The following KIR2DL1 variants were observed in gnomAD, a reference collection of about 807,000 sequenced individuals.
KIR2DL1 encodes killer cell immunoglobulin-like receptor 2DL1.
Under a neutral mutation model 33.9 loss-of-function variants are expected in KIR2DL1, and 38 were observed. The observed-to-expected ratio is 1.12, with a 90% CI of 0.86 to 1.47. KIR2DL1 has a LOEUF of 1.47. Ranked by LOEUF, KIR2DL1 falls within the 40% of genes most tolerant of loss-of-function variation. The pLI is 0.00. For missense variants in KIR2DL1, 531 were observed against 433.9 expected (o/e 1.22, Z -1.99); for synonymous variants, 179 against 165.9 (o/e 1.08, Z -0.61).
In KIR2DL1 at chr19:54,772,774, C is replaced by T. The variant is rs1031637723; in HGVS notation, c.71-559C>T. Among the ~76,000 whole-genome samples the T allele has an allele frequency of 1.4e-3, 154 of 110,070 alleles. 5 individuals are homozygous for T. Among genetic ancestry groups the T allele is most frequent in the African/African-American group, 5.1e-3 (150 of 29,420 alleles). 72.2% of individuals were successfully genotyped at this position (110,070 alleles called of 152,430 possible). On this transcript the variant is annotated intron_variant, in intron 2 of 7. Coordinates refer to ENST00000336077, the MANE Select transcript of KIR2DL1 (RefSeq NM_014218.3). The stretch of plus-strand genomic sequence containing the variant: ...TGGCTACACTGAGATCAGCAAGGCT[C>T]AGATGATGATGCCACCACCAGGCTC...
chr19:54,779,270 G>A (rs2076702946), intron 5 of KIR2DL1, among the ~76,000 whole-genome samples: 1 of 148,660 alleles, frequency 6.7e-6, no homozygotes, highest in Admixed American at 6.8e-5. Context: ...TTATCTTACA[G>A]TGCTGTAGCT....
rs2076619095 is a variant in KIR2DL1 at position 54,778,624 on chromosome 19, A to G, written c.677A>G (p.Asn226Ser). The change falls in exon 5 of 8, where the codon AAT becomes AGT. Residue 226 changes from asparagine to serine, a missense_variant. Transcript: ENST00000336077. ...TCTCATGTTCTAGGAAACCCTTCAA[A>G]TAGTTGGCCTTCACCCACTGAACCA... ...LLVSVTGNPS[N>S]SWPSPTEPSS... 1 of 1,570,596 alleles carries G rather than the reference A, an allele frequency of 6.4e-7. No individual in the cohort carries two copies. Among genetic ancestry groups the G allele is most frequent in the Non-Finnish European group, 8.7e-7 (1 of 1,147,200 alleles).
Position 54,778,873 on chromosome 19 carries a change from C to G in KIR2DL1, c.715+211C>G, listed in dbSNP as rs77117416. Among the ~76,000 whole-genome samples, 3 of 128,134 alleles carry G rather than the reference C, an allele frequency of 2.3e-5. 1 individual carries two copies. Among genetic ancestry groups the G allele is most frequent in the Non-Finnish European group, 5.3e-5 (3 of 56,928 alleles). The allele number at this position is 128,134 out of a possible 152,430, so 84.1% of individuals were successfully genotyped here. On this transcript the variant is annotated intron_variant, in intron 5 of 7. Coordinates refer to ENST00000336077, the MANE Select transcript of KIR2DL1 (RefSeq NM_014218.3). ...ATCTCTCATTTTATGGAGCTGAGAC[C>G]TCCTACAAGCTAGAAGAATGATTGC... is the stretch of plus-strand genomic sequence containing the variant.
At chr19:54,771,353 T>C (rs1444080417) in intron 2 of KIR2DL1, among the ~76,000 whole-genome samples, 5 of 148,402 alleles carry the variant, frequency 3.4e-5, no homozygotes, top group Admixed American at 6.8e-5. Flanking sequence ...GTCTACCCTG[T>C]GTTGTTTTAT....
chr19:54,782,410 T>A (rs1170603997), intron 5 of KIR2DL1, among the ~76,000 whole-genome samples: 1 of 152,046 alleles, frequency 6.6e-6, no homozygotes, highest in African/African-American at 2.4e-5. Context: ...CTATTTCTCG[T>A]GACGGCCTCA....
intron 5 of KIR2DL1, among the ~76,000 whole-genome samples, chr19:54,782,653 G>T (rs2077130043): frequency 6.6e-6 from 1 of 151,972 alleles, no homozygotes; most frequent in South Asian, 2.1e-4. Context: ...CCTCTCAAGA[G>T]GCCCAACCTC....
rs764979220 is a variant in KIR2DL1 at position 54,773,607 on chromosome 19, T to C, written c.345T>C (p.Ser115=). 3.2e-6 allele frequency: 5 copies of C among 1,577,180 alleles called. No individual in the cohort carries two copies. The African/African-American group carries it at 6.8e-5, about 21-fold the overall frequency. ...THSPYQVSAP[S]DPLDIVIIGL... is the part of the protein sequence containing the mutation. ...CCCCCTATCAGGTGTCAGCTCCCAG[T>C]GACCCTCTGGACATCGTGATCATAG... The change falls in exon 3 of 8, where the codon AGT becomes AGC. Residue 115 remains serine, a synonymous_variant. Transcript: ENST00000336077.
In KIR2DL1 at chr19:54,772,815, G is replaced by A. The variant is rs34408592; in HGVS notation, c.71-518G>A. On this transcript the variant is annotated intron_variant, in intron 2 of 7. Transcript: ENST00000336077. ...CACCAGGCTCCATCCACATAGGGAGGGGTTGATACTCCTCCAACCAGCACC... is the reference window on the plus strand; with the variant it reads ...CACCAGGCTCCATCCACATAGGGAGAGGTTGATACTCCTCCAACCAGCACC... Among the ~76,000 whole-genome samples the A allele has an allele frequency of 5.7e-5, 8 of 141,462 alleles. 1 individual carries two copies. Among genetic ancestry groups the A allele is most frequent in the Non-Finnish European group, 1.3e-4 (8 of 63,874 alleles). The allele number at this position is 141,462 out of a possible 152,430, so 92.8% of individuals were successfully genotyped here.
At position 54,783,848 on chromosome 19, in the gene KIR2DL1, G is replaced by T; in HGVS notation, c.*35G>T. 8 of 1,613,778 alleles carry T rather than the reference G, an allele frequency of 5.0e-6. No individual in the cohort carries two copies. The highest frequency in any genetic ancestry group is 6.8e-6 in the Non-Finnish European group (8 of 1,179,844). ...TCAGGCCTTGAGGGCGTCTTCTAGG[G>T]AGACAACAGCCCTGTCTCAAAACCG... On this transcript the variant is annotated 3_prime_UTR_variant, in exon 8 of 8. Transcript: ENST00000336077.
Position 54,770,902 on chromosome 19 carries a change from C to G in KIR2DL1, c.70+18C>G. 2.5e-6 allele frequency: 4 copies of G among 1,581,136 alleles called. No homozygotes were observed. The highest frequency in any genetic ancestry group is 3.5e-6 in the Non-Finnish European group (4 of 1,154,312). ...ACATGAGGGTGAGTCCTTCTCCCAA[C>G]CTTCGGGTGTCATCTCCCCACATAA... On this transcript the variant is annotated intron_variant, in intron 2 of 7. Coordinates refer to ENST00000336077, the MANE Select transcript of KIR2DL1 (RefSeq NM_014218.3).
intron 2 of KIR2DL1, among the ~76,000 whole-genome samples, chr19:54,771,789 C>G (rs2075756880): frequency 6.8e-6 from 1 of 148,072 alleles, no homozygotes; most frequent in African/African-American, 2.5e-5. Flanking sequence ...TTCATGGGCC[C>G]TGTGACCCCA....
intron 3 of KIR2DL1, 79 bp downstream of exon 3, chr19:54,773,711 G>C (rs1413829417): frequency 1.4e-6 from 2 of 1,396,786 alleles, no homozygotes; most frequent in Non-Finnish European, 2.0e-6. Flanking sequence ...CCAGGTGGCT[G>C]TAAGGAAGAT....
At chr19:54,781,777 T>A (rs2076984232) in intron 5 of KIR2DL1, among the ~76,000 whole-genome samples, 1 of 152,128 alleles carries the variant, frequency 6.6e-6, no homozygotes. Flanking sequence ...TCTATTTCGC[T>A]TTTTTTATCT....
intron 1 of KIR2DL1, among the ~76,000 whole-genome samples, chr19:54,770,214 AG>A (rs1234621190): frequency 2.5e-5 from 3 of 118,236 alleles, no homozygotes; most frequent in African/African-American, 6.5e-5. Flanking sequence ...ATGGGCCTGG[AG>A]GTGGAGTTAT....
Position 54,782,965 on chromosome 19 carries a change from C to T in KIR2DL1, c.759C>T (p.Val253=), listed in dbSNP as rs773803344. The change falls in exon 6 of 8, where the codon GTC becomes GTT. Residue 253 remains valine (V), a synonymous_variant. Transcript: ENST00000336077. ...ACATTCTGATTGGGACCTCAGTGGT[C>T]ATCATCCTCTTCATCCTCCTCTTCT... ...HLHILIGTSV[V]IILFILLFFL... 4 of 1,613,658 alleles carry T rather than the reference C, an allele frequency of 2.5e-6. No individual in the cohort carries two copies. Among genetic ancestry groups the T allele is most frequent in the Admixed American group, 1.7e-5 (1 of 59,992 alleles).
intron 4 of KIR2DL1, among the ~76,000 whole-genome samples, chr19:54,776,879 T>C (rs878971322): frequency 7.4e-5 from 11 of 147,880 alleles, no homozygotes; most frequent in Non-Finnish European, 1.4e-4. Flanking sequence ...TGACCTCAAC[T>C]GAGGTGCCCG....
At chr19:54,779,445 A>G (rs370782487) in intron 5 of KIR2DL1, among the ~76,000 whole-genome samples, 408 of 131,152 alleles carry the variant, frequency 3.1e-3, no homozygotes, top group African/African-American at 7.5e-3. Flanking sequence ...GCCCACAAAG[A>G]CTGGTCACAT....
rs771818703 is a variant in KIR2DL1, at chr19:54,770,849, G to A, written c.35G>A (p.Gly12Glu). Residue 12 changes from glycine (G) to glutamate (E), a missense_variant and splice_region_variant, in exon 2 of 8, where the codon GGG (glycine) becomes GAG (glutamate). Coordinates refer to ENST00000336077, the MANE Select transcript of KIR2DL1 (RefSeq NM_014218.3). Reference protein sequence around the residue: ...SLLVVSMACVGFFLLQGAWPH... With the variant: ...SLLVVSMACVEFFLLQGAWPH... ...CATCCATCATGATCTTTCTTTCCAG[G>A]GTTCTTCTTGCTGCAGGGGGCCTGG... The A allele has an allele frequency of 6.3e-7, 1 of 1,583,344 alleles. No homozygotes were observed. Among genetic ancestry groups the A allele is most frequent in the Non-Finnish European group, 8.6e-7 (1 of 1,156,298 alleles).
At position 54,769,877 on chromosome 19, in the gene KIR2DL1, G is replaced by C. The variant is rs370027148; in HGVS notation, c.27G>C (p.Ala9=). The C allele has an allele frequency of 6.4e-7, 1 of 1,564,854 alleles. No homozygotes were observed. The highest frequency in any genetic ancestry group is 1.4e-5 in the African/African-American group (1 of 72,654). Residue 9 remains alanine (A), a synonymous_variant, in exon 1 of 8, where the codon GCG becomes GCC. Transcript: ENST00000336077. MSLLVVSM[A]CVGFFLLQGA... is the part of the protein sequence containing the mutation. Reference sequence around the variant, plus strand: ...TGTCGCTCTTGGTCGTCAGCATGGCGTGTGTTGGTGAGTCCTGGAAAGCAA... The same window carrying C: ...TGTCGCTCTTGGTCGTCAGCATGGCCTGTGTTGGTGAGTCCTGGAAAGCAA...
Sources: allele counts gnomAD v4.1 joint callset (sites outside exome capture counted in the v4.1 genomes callset), GRCh38; gene constraint gnomAD v4.1.1; transcripts MANE v1.5; gene names NCBI Gene and HGNC (gene_info 2026-07-23, HGNC 2026-07-21).